Variants in ZNF540 observed in about 807,000 individuals in gnomAD.
ZNF540 encodes the protein CTD-3064H18.6.
In ZNF540, 3 loss-of-function variants were observed where a neutral mutation model predicts 11.8. The observed-to-expected ratio is 0.25, with a 90% confidence interval of 0.12 to 0.65. ZNF540 has a LOEUF of 0.65. Ranked by LOEUF, ZNF540 falls within the 30% of genes least tolerant of loss-of-function variation. The pLI is 0.83. For missense variants in ZNF540, 709 were observed against 793.1 expected (o/e 0.89, Z 1.27); for synonymous variants, 247 against 259.0 (o/e 0.95, Z 0.45).
intron 1 of ZNF540, among the ~76,000 whole-genome samples, chr19:37,596,156 C>A (rs946026548): frequency 2.0e-5 from 3 of 152,178 alleles, no homozygotes; most frequent in African/African-American, 7.2e-5. Context: ...TAGATCATTT[C>A]CATCACCTCG....
At chr19:37,566,303 A>G (rs2042857440) in intron 1 of ZNF540, 3 of 1,571,042 alleles carry the variant, frequency 1.9e-6, no homozygotes, top group Non-Finnish European at 2.6e-6. Flanking sequence ...TGTAGAATAA[A>G]AAGAAAGCAA....
intron 4 of ZNF540, among the ~76,000 whole-genome samples, chr19:37,607,042 A>C (rs1032273673): frequency 1.3e-5 from 2 of 152,052 alleles, no homozygotes; most frequent in Non-Finnish European, 2.9e-5. Context: ...TATATCTTAT[A>C]ATCAACTTCT....
chr19:37,595,574 T>C (rs1333115281), intron 1 of ZNF540: 2 of 152,142 alleles, frequency 1.3e-5, no homozygotes, highest in Non-Finnish European at 2.9e-5. Flanking sequence ...GAGCATAATA[T>C]GGTGAGAATG....
At chr19:37,565,019 C>A (rs770322825) in intron 1 of ZNF540, 7 of 1,613,598 alleles carry the variant, frequency 4.3e-6, no homozygotes, top group South Asian at 1.1e-5. Context: ...ATGTTTCTCA[C>A]CATGAATTTT....
At chr19:37,563,456 G>C (rs2042742156) in intron 1 of ZNF540, 1 of 151,860 alleles carries the variant, frequency 6.6e-6, no homozygotes, top group Admixed American at 6.6e-5. Context: ...AAAAACTGTA[G>C]TTGGTAAATT....
intron 1 of ZNF540, among the ~76,000 whole-genome samples, chr19:37,588,263 A>G (rs1053698807): frequency 6.6e-6 from 1 of 152,114 alleles, no homozygotes; most frequent in African/African-American, 2.4e-5. Context: ...AGATACATTC[A>G]ATTTAAATTC....
chr19:37,578,591 G>A (rs908173533), intron 1 of ZNF540, among the ~76,000 whole-genome samples: 6 of 152,324 alleles, frequency 3.9e-5, no homozygotes, highest in Middle Eastern at 3.4e-3. Flanking sequence ...ACAGTGCTGA[G>A]GGGCGGTCAG....
At chr19:37,600,408 A>G (rs1232800166) in intron 3 of ZNF540, among the ~76,000 whole-genome samples, 1 of 152,198 alleles carries the variant, frequency 6.6e-6, no homozygotes, top group East Asian at 1.9e-4. Context: ...AAATTTATTA[A>G]CTTAGCATCT....
At chr19:37,571,621 A>G (rs530458914) in intron 1 of ZNF540, among the ~76,000 whole-genome samples, 14 of 152,358 alleles carry the variant, frequency 9.2e-5, no homozygotes, top group African/African-American at 3.4e-4. Flanking sequence ...ATGGTAAGAA[A>G]GCAATACACA....
rs559769207 is a variant in ZNF540 at position 37,569,325 on chromosome 19, G to A, written c.-73+17660G>A. 6.6e-6 allele frequency among the ~76,000 whole-genome samples: 1 copy of A among 152,170 alleles called. No homozygotes were observed. The highest frequency in any genetic ancestry group is 1.9e-4 in the East Asian group (1 of 5,184). ...GACCCTTTGTTCTAATCTCCATCTG[G>A]CAGATAGAATGGAATAGTAAATATG... is the stretch of plus-strand genomic sequence containing the variant. On this transcript the variant is annotated intron_variant, in intron 1 of 4. Coordinates refer to the ZNF540 transcript ENST00000592533. The surrounding 1 kb of genome is among the most constrained non-coding windows in gnomAD (Gnocchi z 4.4).
chr19:37,603,182 A>G (rs1477703183), intron 4 of ZNF540, among the ~76,000 whole-genome samples: 1 of 151,740 alleles, frequency 6.6e-6, no homozygotes, highest in East Asian at 1.9e-4. Context: ...TAATTTTTGT[A>G]TTTTAGTAGA....
intron 1 of ZNF540, among the ~76,000 whole-genome samples, chr19:37,574,942 C>T (rs778269976): frequency 3.9e-5 from 6 of 152,164 alleles, no homozygotes; most frequent in Admixed American, 3.3e-4. Flanking sequence ...TTCCTGAAGA[C>T]GTTCAAACTC....
chr19:37,563,912 AACAATCAG>A (rs1449123420), intron 1 of ZNF540: 1 of 152,148 alleles, frequency 6.6e-6, no homozygotes, highest in African/African-American at 2.4e-5. Flanking sequence ...CCCTTAAAGT[AACAATCAG>A]AAAATGTGGG....
chr19:37,568,317 A>AC (rs5827983), intron 1 of ZNF540, among the ~76,000 whole-genome samples: 60,056 of 141,108 alleles, frequency 0.43, 13,453 homozygotes, highest in East Asian at 0.72. Context: ...AAAAGCAACT[A>AC]CCCCCCCCCA....
intron 4 of ZNF540, among the ~76,000 whole-genome samples, chr19:37,603,865 C>T (rs1004591962): frequency 6.6e-6 from 1 of 152,014 alleles, no homozygotes; most frequent in South Asian, 2.1e-4. Flanking sequence ...CTATATCAAG[C>T]CAAATTCTGA....
chr19:37,567,317 A>G (rs1339920816), intron 1 of ZNF540, among the ~76,000 whole-genome samples: 1 of 152,208 alleles, frequency 6.6e-6, no homozygotes, highest in African/African-American at 2.4e-5. Context: ...TTTGTCAACA[A>G]TTTCTAAAAT....
At chr19:37,590,541 ATAGT>A (rs2043839601), upstream of ZNF540, among the ~76,000 whole-genome samples, 1 of 152,228 alleles carries the variant, frequency 6.6e-6, no homozygotes, top group Non-Finnish European at 1.5e-5. Context: ...TAAATGAACT[ATAGT>A]TATAGTCCCC....
chr19:37,586,482 G>C, intron 1 of ZNF540: 1 of 647,828 alleles, frequency 1.5e-6, no homozygotes, highest in Non-Finnish European at 2.7e-6. Flanking sequence ...TCTGAAAACT[G>C]TTTGGAGAGG....
chr19:37,581,867 G>C (rs1465000536), intron 1 of ZNF540, among the ~76,000 whole-genome samples: 3 of 148,414 alleles, frequency 2.0e-5, no homozygotes, highest in Non-Finnish European at 3.0e-5. Context: ...GGGTGAACCA[G>C]GAGAATGGCA....
Sources: allele counts gnomAD v4.1 joint callset (sites outside exome capture counted in the v4.1 genomes callset), GRCh38; gene constraint gnomAD v4.1.1; non-coding constraint Gnocchi (gnomAD v3.1); transcripts MANE v1.5; gene names NCBI Gene and HGNC (gene_info 2026-07-23, HGNC 2026-07-21).